Variants in NEDD9 observed in about 807,000 individuals in gnomAD.
NEDD9 encodes the protein enhancer of filamentation 1.
Under a neutral mutation model 76.6 loss-of-function variants are expected in NEDD9, and 26 were observed. The observed-to-expected ratio is 0.34, with a 90% CI of 0.25 to 0.47. The LOEUF (loss-of-function observed/expected upper bound fraction) is 0.47, where lower values mean the gene tolerates loss of function less well. Among genes scored for constraint, NEDD9 ranks in the 20% least tolerant of loss-of-function variants. The pLI is 1.00. For synonymous variants in NEDD9, 392 were observed against 414.2 expected (o/e 0.95, Z 0.65); for missense variants, 937 against 1,058.5 (o/e 0.89, Z 1.59).
chr6:11,373,428 A>G (rs1047346972), intron 1 of NEDD9, among the ~76,000 whole-genome samples: 1 of 152,198 alleles, frequency 6.6e-6, no homozygotes, highest in Non-Finnish European at 1.5e-5. Context: ...CCCCAATACC[A>G]TATGTATATG....
intron 3 of NEDD9, among the ~76,000 whole-genome samples, chr6:11,275,164 C>T (rs576069699): frequency 7.2e-5 from 11 of 152,266 alleles, no homozygotes; most frequent in Admixed American, 3.9e-4. Flanking sequence ...AAATACAACA[C>T]GATCTCACTT....
chr6:11,218,027 T>C (rs911011826), intron 1 of NEDD9, among the ~76,000 whole-genome samples: 3 of 152,378 alleles, frequency 2.0e-5, no homozygotes, highest in African/African-American at 7.2e-5. Flanking sequence ...ATTTGTCCTT[T>C]GCACTTTCCT....
At chr6:11,380,963 C>T (rs577411837) in intron 1 of NEDD9, among the ~76,000 whole-genome samples, 10 of 152,282 alleles carry the variant, frequency 6.6e-5, no homozygotes, top group South Asian at 6.2e-4. Flanking sequence ...CATACACCAC[C>T]GTGCCCAGCT....
chr6:11,367,345 T>C (rs1189670220), intron 1 of NEDD9, among the ~76,000 whole-genome samples: 1 of 152,204 alleles, frequency 6.6e-6, no homozygotes. Flanking sequence ...TCATCCTACA[T>C]CAAGGAAATG....
intron 1 of NEDD9, among the ~76,000 whole-genome samples, chr6:11,371,551 C>G (rs547990766): frequency 6.6e-6 from 1 of 152,336 alleles, no homozygotes; most frequent in African/African-American, 2.4e-5. Flanking sequence ...TGGCTTCTTT[C>G]ACTTAGCAAC....
intron 3 of NEDD9, among the ~76,000 whole-genome samples, chr6:11,291,935 A>G (rs908143982): frequency 6.6e-6 from 1 of 152,214 alleles, no homozygotes; most frequent in African/African-American, 2.4e-5. Context: ...GGAGATGGTG[A>G]GTACAGGGTC....
chr6:11,337,573 G>A (rs546491756), intron 1 of NEDD9, among the ~76,000 whole-genome samples: 1 of 152,238 alleles, frequency 6.6e-6, no homozygotes, highest in South Asian at 2.1e-4. Flanking sequence ...TCCTATATAC[G>A]GTCTGTTGTT....
At chr6:11,376,071 G>A (rs959970885) in intron 1 of NEDD9, among the ~76,000 whole-genome samples, 3 of 152,182 alleles carry the variant, frequency 2.0e-5, no homozygotes, top group African/African-American at 7.2e-5. Flanking sequence ...TGATCCGCCC[G>A]TCTCGGCCTC....
intron 3 of NEDD9, among the ~76,000 whole-genome samples, chr6:11,298,401 C>A (rs776204147): frequency 6.6e-6 from 1 of 152,128 alleles, no homozygotes; most frequent in Non-Finnish European, 1.5e-5. Context: ...TTTGACTCAA[C>A]ATAGATAATT....
chr6:11,359,500 T>C (rs1262015882), intron 1 of NEDD9, among the ~76,000 whole-genome samples: 1 of 152,258 alleles, frequency 6.6e-6, no homozygotes, highest in Non-Finnish European at 1.5e-5. Flanking sequence ...AAATTCACAT[T>C]AATAGAGATA....
In NEDD9 at chr6:11,249,621, T is replaced by C. The variant is rs558035748; in HGVS notation, c.13-35894A>G. On this transcript the variant is annotated intron_variant, in intron 3 of 3. Transcript: ENST00000397378. ...GTCTCTATTCTAGGTGGTCATTTCATGACTAAGGAAGAGGAGAATGGGTAT... is the reference window on the plus strand; with the variant it reads ...GTCTCTATTCTAGGTGGTCATTTCACGACTAAGGAAGAGGAGAATGGGTAT... Among the ~76,000 whole-genome samples the C allele has an allele frequency of 3.2e-4, 49 of 152,192 alleles. No homozygotes were observed. In the South Asian group the frequency reaches 5.2e-3, roughly 16 times the overall value.
intron 1 of NEDD9, among the ~76,000 whole-genome samples, chr6:11,350,324 A>C (rs142619220): frequency 6.6e-6 from 1 of 152,204 alleles, no homozygotes; most frequent in African/African-American, 2.4e-5. Context: ...CCTTTTGGCC[A>C]TGCTCAAGGG....
At chr6:11,291,118 A>G (rs773682162) in intron 3 of NEDD9, among the ~76,000 whole-genome samples, 16 of 152,078 alleles carry the variant, frequency 1.1e-4, no homozygotes, top group Non-Finnish European at 1.9e-4. Flanking sequence ...ACCACGAGTG[A>G]GAACAGTGTG....
intron 3 of NEDD9, among the ~76,000 whole-genome samples, chr6:11,293,869 T>C (rs759861605): frequency 1.3e-5 from 2 of 152,166 alleles, no homozygotes; most frequent in Non-Finnish European, 2.9e-5. Context: ...ATGCCATATA[T>C]AAAGTGAGAT....
chr6:11,255,052 T>G (rs1417528885), intron 3 of NEDD9, among the ~76,000 whole-genome samples: 1 of 151,996 alleles, frequency 6.6e-6, no homozygotes, highest in East Asian at 1.9e-4. Flanking sequence ...CAAGGCAAAG[T>G]GTGGAAAAAT....
intron 2 of NEDD9, among the ~76,000 whole-genome samples, chr6:11,313,719 C>T (rs1016854878): frequency 6.6e-6 from 1 of 152,200 alleles, no homozygotes; most frequent in Admixed American, 6.5e-5. Flanking sequence ...CTCTCACTCT[C>T]TTTGGATCTC....
rs71550763 is a variant in NEDD9 at position 11,275,545 on chromosome 6, TAC to T, written c.12+30445_12+30446del. ...TTATTTGTCAATTAAAATACATACA[TAC>T]ACACACACACACACACACATATATA... On this transcript the variant is annotated intron_variant, in intron 3 of 3. Coordinates refer to the NEDD9 transcript ENST00000397378. Among the ~76,000 whole-genome samples the T allele has an allele frequency of 3.4e-3, 508 of 149,846 alleles. 7 individuals are homozygous for T. In the East Asian group the frequency reaches 0.049, roughly 14 times the overall value.
intron 3 of NEDD9, among the ~76,000 whole-genome samples, chr6:11,263,868 C>T (rs1168657742): frequency 2.0e-5 from 3 of 152,172 alleles, no homozygotes; most frequent in African/African-American, 7.2e-5. Context: ...CCTTGCAAAC[C>T]TTAGTCAAGA....
chr6:11,362,637 T>C lies in NEDD9; in HGVS notation c.-214+19502A>G, dbSNP rs117076971. ...TTGCTTTTCTCACCAAAGGGAGATATTTGTGTAGGTGTCAAAATCTGGCAC... is the reference window on the plus strand; with the variant it reads ...TTGCTTTTCTCACCAAAGGGAGATACTTGTGTAGGTGTCAAAATCTGGCAC... On this transcript the variant is annotated intron_variant, in intron 1 of 3. Coordinates refer to the NEDD9 transcript ENST00000397378. 2.6e-5 allele frequency among the ~76,000 whole-genome samples: 4 copies of C among 152,362 alleles called. No homozygotes were observed. In the East Asian group the frequency reaches 7.7e-4, roughly 29 times the overall value.
Sources: gnomAD v4.1 joint callset for allele counts (sites outside exome capture counted in the v4.1 genomes callset) on GRCh38, gnomAD v4.1.1 for gene constraint, MANE v1.5 for transcripts, NCBI Gene and HGNC (gene_info 2026-07-23, HGNC 2026-07-21) for gene names.